RFFL: variants seen among roughly 807,000 people sequenced by gnomAD.
The protein encoded by RFFL is E3 ubiquitin-protein ligase rififylin.
A neutral mutation model predicts 40.4 loss-of-function variants in RFFL; 16 were observed. That is an observed-to-expected ratio of 0.40 (90% CI 0.27 to 0.60). The LOEUF (loss-of-function observed/expected upper bound fraction) is 0.60. Among genes scored for constraint, RFFL ranks in the 20% least tolerant of loss-of-function variants. RFFL has a pLI of 0.47. For synonymous variants in RFFL, 154 were observed against 167.9 expected, an observed-to-expected ratio of 0.92 and a Z score of 0.64; for missense variants, 367 against 451.7, an observed-to-expected ratio of 0.81 and a Z score of 1.70.
At chr17:35,025,269 G>A (rs993397973) in intron 2 of RFFL, 1 of 152,148 alleles carries the variant, frequency 6.6e-6, no homozygotes, top group Non-Finnish European at 1.5e-5. Context: ...CTTCTGGGAG[G>A]GGCTTTGGAA....
chr17:35,048,887 T>C (rs2091215851), intron 1 of RFFL, among the ~76,000 whole-genome samples: 1 of 152,166 alleles, frequency 6.6e-6, no homozygotes. Flanking sequence ...CTGAAAATTA[T>C]GCTGACTTTC....
chr17:35,064,219 A>T (rs1182061705), upstream of RFFL, among the ~76,000 whole-genome samples: 5 of 151,902 alleles, frequency 3.3e-5, no homozygotes, highest in East Asian at 9.6e-4. Flanking sequence ...CTTTTTTCCC[A>T]CTAGGCCTCC....
intron 1 of RFFL, among the ~76,000 whole-genome samples, chr17:35,062,104 G>A (rs1344469461): frequency 1.3e-5 from 2 of 151,650 alleles, no homozygotes; most frequent in Admixed American, 1.3e-4. Context: ...AAAGATGTGA[G>A]CATAAAAAGA....
At chr17:35,015,567 C>A (rs1264710436) in intron 5 of RFFL, among the ~76,000 whole-genome samples, 1 of 152,090 alleles carries the variant, frequency 6.6e-6, no homozygotes, top group Non-Finnish European at 1.5e-5. Flanking sequence ...TCAGATGACC[C>A]CTAACACTGA....
At chr17:35,058,407 C>T (rs1053428389) in intron 1 of RFFL, among the ~76,000 whole-genome samples, 3 of 152,154 alleles carry the variant, frequency 2.0e-5, no homozygotes, top group Non-Finnish European at 2.9e-5. Flanking sequence ...GCCCAAACTA[C>T]CCATTTAATA....
intron 1 of RFFL, among the ~76,000 whole-genome samples, chr17:35,031,335 G>C (rs896080754): frequency 1.3e-5 from 2 of 151,854 alleles, no homozygotes; most frequent in African/African-American, 4.9e-5. Flanking sequence ...TCAAACTCCT[G>C]ACCTCAGGTG....
chr17:35,063,136 T>A (rs925748711), intron 1 of RFFL, among the ~76,000 whole-genome samples: 2 of 152,148 alleles, frequency 1.3e-5, no homozygotes, highest in African/African-American at 4.8e-5. Flanking sequence ...TAATTGGACC[T>A]AACTCCACAT....
chr17:35,025,995 G>A (rs916567559), intron 2 of RFFL, among the ~76,000 whole-genome samples: 4 of 152,202 alleles, frequency 2.6e-5, no homozygotes, highest in Non-Finnish European at 4.4e-5. Flanking sequence ...AAGTGCCTAC[G>A]ACATTCTAAG....
chr17:35,046,920 G>A (rs549078226), intron 1 of RFFL, among the ~76,000 whole-genome samples: 1 of 152,322 alleles, frequency 6.6e-6, no homozygotes, highest in African/African-American at 2.4e-5. Flanking sequence ...CTGCCCCAAA[G>A]GGTGAGTCAA....
intron 1 of RFFL, among the ~76,000 whole-genome samples, chr17:35,062,544 T>C (rs1221052039): frequency 6.6e-6 from 1 of 152,182 alleles, no homozygotes; most frequent in Non-Finnish European, 1.5e-5. Context: ...TGATTCTCAA[T>C]ACATACTATG....
chr17:35,011,891 C>T lies in RFFL; in HGVS notation c.*77G>A. ...GCAATATTTCTACTAGCTTGCTCCTCTGCAAGCTGGCCAACCCTGAGCCCA... is the reference window on the plus strand; with the variant it reads ...GCAATATTTCTACTAGCTTGCTCCTTTGCAAGCTGGCCAACCCTGAGCCCA... On this transcript the variant is annotated 3_prime_UTR_variant, in exon 7 of 7. Coordinates refer to ENST00000394597, the MANE Select transcript of RFFL (RefSeq NM_001017368.2). 2 of 1,433,894 alleles carry T rather than the reference C, an allele frequency of 1.4e-6. No individual in the cohort carries two copies. Among genetic ancestry groups the T allele is most frequent in the Admixed American group, 1.8e-5 (1 of 54,896 alleles). The allele number at this position is 1,433,894 out of a possible 1,614,324, so 88.8% of individuals were successfully genotyped here. A position where few individuals can be genotyped will look rare whatever the true frequency, so the allele number is the denominator to read the frequency against.
chr17:35,032,196 G>T (rs917421904), intron 1 of RFFL, among the ~76,000 whole-genome samples: 1 of 152,076 alleles, frequency 6.6e-6, no homozygotes, highest in South Asian at 2.1e-4. Flanking sequence ...AAAGAGCCAA[G>T]AAAAACCTTT....
Position 35,010,567 on chromosome 17 carries a change from C to G in RFFL, c.*1401G>C, listed in dbSNP as rs2090931051. 1 of 152,060 alleles carries G rather than the reference C, an allele frequency of 6.6e-6. No individual in the cohort carries two copies. The highest frequency in any genetic ancestry group is 2.4e-5 in the African/African-American group (1 of 41,352). The allele number at this position is 152,060 out of a possible 1,614,324, so 9.4% of individuals were successfully genotyped here. ...AAGAGTTCAAGACCAGCCTGGTGAA[C>G]ATGGTAAAACCCCGTCTCTACTAAA... On this transcript the variant is annotated 3_prime_UTR_variant, in exon 7 of 7. Transcript: ENST00000394597.
At chr17:35,034,056 T>C (rs1389901210) in intron 1 of RFFL, among the ~76,000 whole-genome samples, 1 of 150,808 alleles carries the variant, frequency 6.6e-6, no homozygotes, top group African/African-American at 2.5e-5. Flanking sequence ...GGCAGGAGAA[T>C]GGCGTGAACC....
intron 3 of RFFL, 73 bp downstream of exon 3, chr17:35,021,298 A>G: frequency 7.0e-7 from 1 of 1,427,772 alleles, no homozygotes; most frequent in Non-Finnish European, 9.4e-7. Flanking sequence ...TCTCACAACA[A>G]AGGCAGGAGA....
chr17:35,082,209 G>A (rs2091405850), intron 1 of RFFL, among the ~76,000 whole-genome samples: 1 of 152,120 alleles, frequency 6.6e-6, no homozygotes, highest in East Asian at 1.9e-4. Context: ...TCGAGTTCCA[G>A]GGACTGGGCC....
chr17:35,059,016 AATT>A (rs1567713175), intron 1 of RFFL, among the ~76,000 whole-genome samples: 2 of 145,006 alleles, frequency 1.4e-5, no homozygotes, highest in African/African-American at 5.3e-5. Context: ...CTCGAGCTAG[AATT>A]TTTTTTTTTT....
At chr17:35,018,902 T>C (rs2090990478) in intron 3 of RFFL, 1 of 152,270 alleles carries the variant, frequency 6.6e-6, no homozygotes, top group Non-Finnish European at 1.5e-5. Context: ...TCAGATGTCC[T>C]GTTTCCTAGA....
rs922840256 is a variant in RFFL, at chr17:35,012,231, G to A, written c.911-82C>T. On this transcript the variant is annotated intron_variant, in intron 6 of 6. Coordinates refer to ENST00000394597, the MANE Select transcript of RFFL (RefSeq NM_001017368.2). Reference sequence around the variant, plus strand: ...AGTGTATAGGGGTGACTGGGGGAGGGAGGTGGGAGATAACAGGTACATTGT... The same window carrying A: ...AGTGTATAGGGGTGACTGGGGGAGGAAGGTGGGAGATAACAGGTACATTGT... 2 of 1,196,820 alleles carry A rather than the reference G, an allele frequency of 1.7e-6. 1 individual carries two copies. The highest frequency in any genetic ancestry group is 2.4e-6 in the Non-Finnish European group (2 of 849,022). 74.1% of individuals were successfully genotyped at this position (1,196,820 alleles called of 1,614,324 possible).
Sources: gnomAD v4.1 joint callset for allele counts (sites outside exome capture counted in the v4.1 genomes callset) on GRCh38, gnomAD v4.1.1 for gene constraint, MANE v1.5 for transcripts, NCBI Gene and HGNC (gene_info 2026-07-23, HGNC 2026-07-21) for gene names.